The following BLTP1 variants were observed in gnomAD, a reference collection of about 807,000 sequenced individuals.
BLTP1 encodes the protein fragile site-associated protein.
chr4:122,315,616 C>T, the BLTP1 span: 1 of 1,613,904 alleles, frequency 6.2e-7, no homozygotes, highest in African/African-American at 1.3e-5. Context: ...ACATTGCTGA[C>T]TTAAATTCAG....
At chr4:122,174,374 A>G in the BLTP1 span, 11,958 of 975,134 alleles carry the variant, frequency 0.012, 227 homozygotes, top group African/African-American at 0.081. Flanking sequence ...AGCTTACTTC[A>G]TAGTGATCAT....
the BLTP1 span, chr4:122,279,787 A>G: frequency 6.2e-7 from 1 of 1,613,506 alleles, no homozygotes; most frequent in Non-Finnish European, 8.5e-7. Flanking sequence ...CTGTAGTGAA[A>G]TGTAGTATTG....
the BLTP1 span, chr4:122,234,639 T>G: frequency 5.0e-6 from 5 of 993,820 alleles, no homozygotes; most frequent in Non-Finnish European, 7.1e-6. Context: ...GAATAAACCT[T>G]TGTGTTTGTG....
At chr4:122,332,512 A>G in the BLTP1 span, among the ~76,000 whole-genome samples, 1 of 151,972 alleles carries the variant, frequency 6.6e-6, no homozygotes, top group Admixed American at 6.6e-5. Context: ...AACATACAAC[A>G]TTTACATCAC....
chr4:122,226,447 T>C, the BLTP1 span: 1 of 1,225,836 alleles, frequency 8.2e-7, no homozygotes, highest in Non-Finnish European at 1.0e-6. Flanking sequence ...TAAAAGTTGC[T>C]GAAGTGAAAT....
At chr4:122,310,291 G>A in the BLTP1 span, among the ~76,000 whole-genome samples, 14 of 151,966 alleles carry the variant, frequency 9.2e-5, no homozygotes, top group Non-Finnish European at 1.6e-4. Context: ...AAAAGTCTTG[G>A]TTTTAATGTG....
chr4:122,170,640 C>T, the BLTP1 span: 1 of 1,557,302 alleles, frequency 6.4e-7, no homozygotes, highest in South Asian at 1.2e-5. Flanking sequence ...TCTGGAAAAA[C>T]TTTAGTAATG....
chr4:122,357,182 A>T, the BLTP1 span, among the ~76,000 whole-genome samples: 1 of 152,166 alleles, frequency 6.6e-6, no homozygotes, highest in Non-Finnish European at 1.5e-5. Flanking sequence ...TTAATACATA[A>T]ATTATTTAAA....
the BLTP1 span, among the ~76,000 whole-genome samples, chr4:122,153,478 A>G: frequency 2.6e-5 from 4 of 152,312 alleles, no homozygotes; most frequent in South Asian, 4.1e-4. Flanking sequence ...AAAGTCTACT[A>G]TTCCCATTTT....
chr4:122,337,020 G>A, the BLTP1 span: 2 of 1,596,380 alleles, frequency 1.3e-6, no homozygotes, highest in Non-Finnish European at 1.7e-6. Context: ...TACGAGTTCA[G>A]GTGACATACT....
the BLTP1 span, among the ~76,000 whole-genome samples, chr4:122,338,361 A>G: frequency 6.6e-6 from 1 of 151,996 alleles, no homozygotes; most frequent in Non-Finnish European, 1.5e-5. Context: ...TGGTCCTAGC[A>G]ACTTGGGAGG....
At chr4:122,181,206 A>G in the BLTP1 span, 1 of 782,374 alleles carries the variant, frequency 1.3e-6, no homozygotes, top group Non-Finnish European at 1.5e-6. Flanking sequence ...GGGAGTATTT[A>G]CAAACATTCT....
At chr4:122,328,676 A>G in the BLTP1 span, 2 of 983,182 alleles carry the variant, frequency 2.0e-6, no homozygotes, top group South Asian at 4.7e-5. Context: ...GTGGCATTAC[A>G]TTAACAGATT....
At chr4:122,154,905 G>A in the BLTP1 span, 14 of 923,568 alleles carry the variant, frequency 1.5e-5, no homozygotes, top group Non-Finnish European at 1.8e-5. Context: ...AAGAAAAGTA[G>A]TTGACTTTTG....
chr4:122,274,158 A>C, the BLTP1 span: 5 of 158,534 alleles, frequency 3.2e-5, no homozygotes, highest in East Asian at 5.8e-4. Context: ...TATGTATTAA[A>C]TGCAGAGAAA....
chr4:122,290,840 C>T, the BLTP1 span: 1 of 140,576 alleles, frequency 7.1e-6, no homozygotes, highest in East Asian at 2.0e-4. Context: ...CACACACACA[C>T]ACACACACAT....
chr4:122,237,020 C>A, the BLTP1 span: 1 of 985,048 alleles, frequency 1.0e-6, no homozygotes, highest in East Asian at 1.1e-4. Context: ...GTTCCTGTAT[C>A]ACTTAGAAGC....
At chr4:122,313,971 A>G in the BLTP1 span, 7 of 874,136 alleles carry the variant, frequency 8.0e-6, no homozygotes, top group African/African-American at 1.1e-4. Context: ...AATTTTTACA[A>G]TGTAGTTAAG....
At chr4:122,333,794 C>A in the BLTP1 span, 5 of 1,608,792 alleles carry the variant, frequency 3.1e-6, no homozygotes, top group Non-Finnish European at 4.2e-6. Context: ...TTTACATTCC[C>A]GGAGTTGATG....
Sources: gnomAD v4.1 joint callset for allele counts (sites outside exome capture counted in the v4.1 genomes callset) on GRCh38, gnomAD v4.1.1 for gene constraint, MANE v1.5 for transcripts, NCBI Gene and HGNC (gene_info 2026-07-23, HGNC 2026-07-21) for gene names.